The following ZHX2 variants were observed in gnomAD, a reference collection of about 807,000 sequenced individuals.
ZHX2 encodes the protein zinc fingers and homeoboxes protein 2.
A neutral mutation model predicts 21.9 loss-of-function variants in ZHX2; 6 were observed. That is an observed-to-expected ratio of 0.27 (90% confidence interval 0.15 to 0.54). The LOEUF is 0.54. ZHX2 is among the 20% of genes least tolerant of loss of function. The pLI, the probability that ZHX2 is intolerant of heterozygous loss-of-function variation, is 0.95. For missense variants in ZHX2, 908 were observed against 1,090.7 expected (o/e 0.83, Z 2.36); for synonymous variants, 434 against 437.1 (o/e 0.99, Z 0.09).
At chr8:122,891,677 TTG>T (rs1333538297) in intron 2 of ZHX2, among the ~76,000 whole-genome samples, 2 of 152,334 alleles carry the variant, frequency 1.3e-5, no homozygotes, top group African/African-American at 4.8e-5. Context: ...AACCTCTTCA[TTG>T]AACCAGTGGT....
At chr8:122,872,597 A>G (rs1819467008) in intron 2 of ZHX2, among the ~76,000 whole-genome samples, 1 of 152,200 alleles carries the variant, frequency 6.6e-6, no homozygotes, top group African/African-American at 2.4e-5. Context: ...CCGTTCCGTG[A>G]TATTTCAGAG....
intron 1 of ZHX2, among the ~76,000 whole-genome samples, chr8:122,814,846 T>C (rs1817999214): frequency 6.6e-6 from 1 of 152,000 alleles, no homozygotes; most frequent in African/African-American, 2.4e-5. Flanking sequence ...CACTGGTCCC[T>C]GGCATCGGTT....
intron 2 of ZHX2, among the ~76,000 whole-genome samples, chr8:122,867,254 T>C (rs892361274): frequency 6.6e-6 from 1 of 152,198 alleles, no homozygotes; most frequent in African/African-American, 2.4e-5. Flanking sequence ...TGGACCACTT[T>C]AGGAGCAACC....
rs937086854 is a variant in ZHX2, at chr8:122,788,773, C to T, written c.-283+6827C>T. On this transcript the variant is annotated intron_variant, in intron 1 of 3. Transcript: ENST00000314393. ...GTGAGGAGAAGGGACGGTTTTAGATCGTGCTTTGGGATAGTCTGATTGCTT... is the reference window on the plus strand; with the variant it reads ...GTGAGGAGAAGGGACGGTTTTAGATTGTGCTTTGGGATAGTCTGATTGCTT... Among the ~76,000 whole-genome samples the T allele has an allele frequency of 2.0e-5, 3 of 152,234 alleles. No homozygotes were observed. In the East Asian group the frequency reaches 5.8e-4, roughly 29 times the overall value.
intron 1 of ZHX2, among the ~76,000 whole-genome samples, chr8:122,784,203 G>A (rs1050117874): frequency 6.6e-6 from 1 of 152,216 alleles, no homozygotes; most frequent in Non-Finnish European, 1.5e-5. Context: ...ATGTGATTTG[G>A]TGGGATGCTG....
chr8:122,871,206 C>T (rs1046664161), intron 2 of ZHX2, among the ~76,000 whole-genome samples: 56 of 152,144 alleles, frequency 3.7e-4, no homozygotes, highest in Non-Finnish European at 7.1e-4. Flanking sequence ...GTGATTATTA[C>T]CTACCTGAGA....
intron 3 of ZHX2, among the ~76,000 whole-genome samples, chr8:122,954,302 G>GTGTTT (rs970972813): frequency 2.7e-4 from 41 of 152,134 alleles, no homozygotes; most frequent in Admixed American, 1.6e-3. Flanking sequence ...TTTGGTTTTG[G>GTGTTT]TGTTTTGTTT....
rs13253258 is a variant in ZHX2, at chr8:122,850,480, G to T, written c.-282-12997G>T. 2.5e-3 allele frequency among the ~76,000 whole-genome samples: 386 copies of T among 151,980 alleles called. 2 individuals carry two copies. The highest frequency in any genetic ancestry group is 4.6e-3 in the Non-Finnish European group (315 of 67,946). On this transcript the variant is annotated intron_variant, in intron 1 of 3. Coordinates refer to ENST00000314393, the MANE Select transcript of ZHX2 (RefSeq NM_014943.5). ...TGGCGAAACCCTGTATCTATGAAAA[G>T]TACAAAAAAATTAGCCAGGCATGGT...
At chr8:122,804,559 C>T (rs1463866713) in intron 1 of ZHX2, among the ~76,000 whole-genome samples, 2 of 152,306 alleles carry the variant, frequency 1.3e-5, no homozygotes. Flanking sequence ...TAGGCAGGTG[C>T]ACAAGGTGGC....
intron 2 of ZHX2, among the ~76,000 whole-genome samples, chr8:122,926,079 C>T (rs1230512254): frequency 6.6e-6 from 1 of 152,182 alleles, no homozygotes; most frequent in East Asian, 1.9e-4. Flanking sequence ...GCATGCGCCC[C>T]AGCTCAGATC....
chr8:122,782,211 G>C lies in ZHX2; in HGVS notation c.-283+265G>C, dbSNP rs1817303299. Among the ~76,000 whole-genome samples the C allele has an allele frequency of 6.6e-6, 1 of 152,104 alleles. No individual in the cohort carries two copies. Among genetic ancestry groups the C allele is most frequent in the Non-Finnish European group, 1.5e-5 (1 of 67,954 alleles). On this transcript the variant is annotated intron_variant, in intron 1 of 3. Transcript: ENST00000314393. This position sits in a 1 kb window ranked among gnomAD's most constrained non-coding sequence, Gnocchi z 5.3. ...AGAAGATTTTTTTTTTAAGAGTTTT[G>C]ATTACAAGTTTGGATAAATGGGAGC...
At chr8:122,820,915 G>C (rs979736839) in intron 1 of ZHX2, among the ~76,000 whole-genome samples, 1 of 152,186 alleles carries the variant, frequency 6.6e-6, no homozygotes, top group African/African-American at 2.4e-5. Context: ...CCTGCCAAAA[G>C]GTTTCTTAGT....
chr8:122,972,080 C>T (rs189439294), intron 3 of ZHX2, among the ~76,000 whole-genome samples: 29 of 152,244 alleles, frequency 1.9e-4, no homozygotes, highest in African/African-American at 6.7e-4. Flanking sequence ...CCTCAATCAT[C>T]GCATGGTCTC....
At chr8:122,858,226 C>T (rs16897563) in intron 1 of ZHX2, among the ~76,000 whole-genome samples, 36,416 of 152,204 alleles carry the variant, frequency 0.24, 5,034 homozygotes, top group East Asian at 0.36. Flanking sequence ...ACGCCTCTCC[C>T]TCAGTTTGAT....
chr8:122,908,087 G>GA (rs1467683075), intron 2 of ZHX2, among the ~76,000 whole-genome samples: 1 of 152,184 alleles, frequency 6.6e-6, no homozygotes, highest in Non-Finnish European at 1.5e-5. Context: ...CTCCGTGGAT[G>GA]AAATTGGAAT....
intron 2 of ZHX2, among the ~76,000 whole-genome samples, chr8:122,935,634 C>T (rs1477333626): frequency 1.3e-5 from 2 of 150,590 alleles, no homozygotes; most frequent in Non-Finnish European, 2.9e-5. Context: ...CTCCCAAGTT[C>T]ATGCCATTCT....
At chr8:122,887,824 C>T (rs1227613013) in intron 2 of ZHX2, among the ~76,000 whole-genome samples, 5 of 152,174 alleles carry the variant, frequency 3.3e-5, no homozygotes, top group South Asian at 2.1e-4. Flanking sequence ...ACCCTCGCGC[C>T]GCCCCCACCA....
chr8:122,862,859 G>T (rs1475655346), intron 1 of ZHX2, among the ~76,000 whole-genome samples: 1 of 152,206 alleles, frequency 6.6e-6, no homozygotes, highest in Non-Finnish European at 1.5e-5. Context: ...CCTCTGCCCT[G>T]CGTGGTTAAA....
At chr8:122,922,703 G>A (rs964592110) in intron 2 of ZHX2, among the ~76,000 whole-genome samples, 10 of 152,212 alleles carry the variant, frequency 6.6e-5, no homozygotes, top group Non-Finnish European at 1.2e-4. Flanking sequence ...TAGAGCCTGG[G>A]TTTGAATCCC....
Sources: gnomAD v4.1 joint callset for allele counts (sites outside exome capture counted in the v4.1 genomes callset) on GRCh38, gnomAD v4.1.1 for gene constraint, Gnocchi (gnomAD v3.1) non-coding constraint, MANE v1.5 for transcripts, NCBI Gene and HGNC (gene_info 2026-07-23, HGNC 2026-07-21) for gene names.